C5: variants seen among roughly 807,000 people sequenced by gnomAD.
C5 encodes the protein C3 and PZP-like alpha-2-macroglobulin domain-containing protein 4.
A neutral mutation model predicts 218.8 loss-of-function variants in C5; 140 were observed. That is an observed-to-expected ratio of 0.64 (90% CI 0.56 to 0.74). The LOEUF (loss-of-function observed/expected upper bound fraction) is 0.74. Among genes scored for constraint, C5 ranks in the 30% least tolerant of loss-of-function variants. The probability of loss-of-function intolerance (pLI) is 0.00; values close to 1 mark genes in which losing one functional copy is unlikely to be tolerated. For synonymous variants in C5, 614 were observed against 682.3 expected, an observed-to-expected ratio of 0.90 and a Z score of 1.56; for missense variants, 1,700 against 1,969.6, an observed-to-expected ratio of 0.86 and a Z score of 2.59.
chr9:121,010,665 C>T (rs1419481284), intron 17 of C5, among the ~76,000 whole-genome samples: 2 of 151,862 alleles, frequency 1.3e-5, no homozygotes, highest in Non-Finnish European at 2.9e-5. Flanking sequence ...TACAAAAGAC[C>T]AGAATAGCCA....
rs757596926 is a variant in C5, at chr9:121,038,250, A to G, written c.422-299T>C. ...TTTGAGAAAACATTCACAGTATGAA[A>G]TTAATTACATCTGTAATTAGGCCAT... On this transcript the variant is annotated intron_variant, in intron 3 of 40. Transcript: ENST00000223642. Among the ~76,000 whole-genome samples the G allele has an allele frequency of 7.2e-5, 11 of 152,236 alleles. 1 individual carries two copies. Among genetic ancestry groups the G allele is most frequent in the Non-Finnish European group, 1.6e-4 (11 of 68,040 alleles).
intron 25 of C5, among the ~76,000 whole-genome samples, chr9:120,983,347 A>G (rs927478505): frequency 6.6e-6 from 1 of 152,148 alleles, no homozygotes; most frequent in African/African-American, 2.4e-5. Context: ...TTAGTCAAAA[A>G]GCAATTTCAA....
At chr9:121,072,336 C>A in the C5 span, among the ~76,000 whole-genome samples, 1 of 152,060 alleles carries the variant, frequency 6.6e-6, no homozygotes, top group Admixed American at 6.5e-5. Flanking sequence ...ATAATGGATC[C>A]CACGTGAATA....
At chr9:121,050,593 C>T (rs1265998873), upstream of C5, among the ~76,000 whole-genome samples, 1 of 152,144 alleles carries the variant, frequency 6.6e-6, no homozygotes, top group Non-Finnish European at 1.5e-5. Context: ...TTTGATGTTG[C>T]ATCATCTGCA....
At chr9:121,057,828 G>C in the C5 span, among the ~76,000 whole-genome samples, 4 of 151,976 alleles carry the variant, frequency 2.6e-5, no homozygotes, top group Admixed American at 6.6e-5. Context: ...TTTTTAGAAG[G>C]CACTCTAAAC....
the C5 span, among the ~76,000 whole-genome samples, chr9:121,058,154 C>T: frequency 4.6e-5 from 7 of 152,264 alleles, no homozygotes; most frequent in Admixed American, 2.6e-4. Flanking sequence ...CAATAGCTAC[C>T]CATTATTAGC....
chr9:120,994,922 GAAA>G (rs11306867), intron 22 of C5, among the ~76,000 whole-genome samples: 14 of 133,940 alleles, frequency 1.0e-4, no homozygotes, highest in Admixed American at 1.5e-4. Flanking sequence ...CATCTGTGGT[GAAA>G]AAAAAAAAAA....
At chr9:121,021,845 C>T (rs1480326803) in intron 10 of C5, 151 bp from the exon 11 acceptor site, 8 of 728,338 alleles carry the variant, frequency 1.1e-5, no homozygotes, top group Admixed American at 2.1e-5. Flanking sequence ...AGACTTACTA[C>T]GTTGCCCAGG....
chr9:121,002,316 G>GTGTGTGTGTATA (rs572345213), intron 20 of C5, among the ~76,000 whole-genome samples: 7 of 87,404 alleles, frequency 8.0e-5, no homozygotes, highest in Admixed American at 4.0e-4. Flanking sequence ...ATATGTGTGT[G>GTGTGTGTGTATA]TATATATATA....
At chr9:120,987,720 T>A (rs774237566) in intron 25 of C5, among the ~76,000 whole-genome samples, 1 of 152,076 alleles carries the variant, frequency 6.6e-6, no homozygotes, top group Non-Finnish European at 1.5e-5. Context: ...ATATGTTTCA[T>A]ATAGAACCTA....
In C5 at chr9:121,046,488, A is replaced by T. The variant is rs534316703; in HGVS notation, c.66-105T>A. 8 of 770,262 alleles carry T rather than the reference A, an allele frequency of 1.0e-5. No homozygotes were observed. The East Asian group carries it at 2.1e-4, about 20-fold the overall frequency. The allele number at this position is 770,262 out of a possible 1,614,324, so 47.7% of individuals were successfully genotyped here. ...GAGAGATTCCATTTAAAATACATATATTTCCTCACTTAAAAATGATACTAA... is the reference window on the plus strand; with the variant it reads ...GAGAGATTCCATTTAAAATACATATTTTTCCTCACTTAAAAATGATACTAA... On this transcript the variant is annotated intron_variant, in intron 1 of 40. Transcript: ENST00000223642.
the C5 span, among the ~76,000 whole-genome samples, chr9:121,070,727 G>A: frequency 6.6e-6 from 1 of 151,826 alleles, no homozygotes; most frequent in South Asian, 2.1e-4. Flanking sequence ...GTTGGGAAGG[G>A]TAGCAGGGGG....
At chr9:121,063,568 G>A in the C5 span, among the ~76,000 whole-genome samples, 1 of 151,884 alleles carries the variant, frequency 6.6e-6, no homozygotes, top group Non-Finnish European at 1.5e-5. Flanking sequence ...ACACTTTCCT[G>A]CATCTTTGCT....
chr9:120,982,106 G>A (rs931309038), intron 26 of C5, among the ~76,000 whole-genome samples, 167 bp from the exon 27 acceptor site: 5 of 152,154 alleles, frequency 3.3e-5, no homozygotes, highest in Non-Finnish European at 5.9e-5. Context: ...CCGCCTCCCG[G>A]GTTCAAGCCA....
At chr9:121,024,138 T>G (rs1237199986) in intron 9 of C5, among the ~76,000 whole-genome samples, 2 of 139,858 alleles carry the variant, frequency 1.4e-5, no homozygotes, top group Non-Finnish European at 3.1e-5. Flanking sequence ...GAGAATTGCT[T>G]GAACCCAGGA....
intron 3 of C5, among the ~76,000 whole-genome samples, chr9:121,040,703 T>C (rs1341413515): frequency 6.6e-6 from 1 of 152,172 alleles, no homozygotes; most frequent in African/African-American, 2.4e-5. Flanking sequence ...TGAGGTAAGT[T>C]GTATTATTAT....
rs1241027605 is a variant in C5, at chr9:120,989,078, G to T, written c.3198C>A (p.Tyr1066Ter). 1 of 1,613,696 alleles carries T rather than the reference G, an allele frequency of 6.2e-7. No homozygotes were observed. Among genetic ancestry groups the T allele is most frequent in the African/African-American group, 1.3e-5 (1 of 74,914 alleles). ...TAGCACTTCCACCCTTCCACACACT[G>T]TAAGAGTAGTCAGCATTTCTGTAGG... ...IMSYRNADYS[Y>*]SVWKGGSAST... The change falls in exon 25 of 41, where the codon TAC (tyrosine) becomes TAA (stop). Residue 1066 changes from tyrosine to a stop codon, truncating the protein, a stop_gained. Transcript: ENST00000223642. LOFTEE classifies it high-confidence loss of function.
At chr9:121,033,265 G>A (rs1221464606) in intron 5 of C5, among the ~76,000 whole-genome samples, 1 of 152,184 alleles carries the variant, frequency 6.6e-6, no homozygotes. Context: ...TTATAAGCTA[G>A]TGGGGAATAA....
At chr9:121,045,385 T>C (rs1020645777) in intron 2 of C5, among the ~76,000 whole-genome samples, 1 of 152,150 alleles carries the variant, frequency 6.6e-6, no homozygotes, top group Non-Finnish European at 1.5e-5. Context: ...CTTAAAACGG[T>C]ACAATCTTAT....
Sources: allele counts gnomAD v4.1 joint callset (sites outside exome capture counted in the v4.1 genomes callset), GRCh38; gene constraint gnomAD v4.1.1; transcripts MANE v1.5; gene names NCBI Gene and HGNC (gene_info 2026-07-23, HGNC 2026-07-21).